Variants in PMM1 observed in about 807,000 individuals in gnomAD.
The protein encoded by PMM1 is phosphomannomutase 1.
A neutral mutation model predicts 34.0 loss-of-function variants in PMM1; 25 were observed. That is an observed-to-expected ratio of 0.73 (90% confidence interval 0.54 to 1.03). PMM1 has a LOEUF of 1.03. PMM1 is among the 50% of genes least tolerant of loss of function. The probability of loss-of-function intolerance (pLI) is 0.00; values close to 1 mark genes in which losing one functional copy is unlikely to be tolerated. For missense variants in PMM1, 321 were observed against 350.1 expected (o/e 0.92, Z 0.66); for synonymous variants, 134 against 143.9 (o/e 0.93, Z 0.49).
At position 41,577,213 on chromosome 22, in the gene PMM1, G is replaced by C. The variant is rs984676765; in HGVS notation, c.*105C>G. 10 of 1,504,668 alleles carry C rather than the reference G, an allele frequency of 6.6e-6. No individual in the cohort carries two copies. Among genetic ancestry groups the C allele is most frequent in the Non-Finnish European group, 9.1e-6 (10 of 1,093,880 alleles). The allele number at this position is 1,504,668 out of a possible 1,614,324, so 93.2% of individuals were successfully genotyped here. ...CCATCTGGGTGGGCTTGCAGCAGGCGTCCTGGGCCAGAGGAGGGGCCCTGG... is the reference window on the plus strand; with the variant it reads ...CCATCTGGGTGGGCTTGCAGCAGGCCTCCTGGGCCAGAGGAGGGGCCCTGG... On this transcript the variant is annotated 3_prime_UTR_variant, in exon 8 of 8. Coordinates refer to ENST00000216259, the MANE Select transcript of PMM1 (RefSeq NM_002676.3).
At chr22:41,581,489 G>A (rs548456402) in intron 5 of PMM1, among the ~76,000 whole-genome samples, 47 of 152,274 alleles carry the variant, frequency 3.1e-4, no homozygotes, top group African/African-American at 1.0e-3. Flanking sequence ...ATGTGACCTC[G>A]GGCAGGGCCC....
chr22:41,584,911 T>C (rs372277821), intron 2 of PMM1: 4 of 320,324 alleles, frequency 1.2e-5, no homozygotes, highest in African/African-American at 4.2e-5. Flanking sequence ...CTGGAAGCCA[T>C]GCAGTACTCT....
intron 5 of PMM1, 55 bp downstream of exon 5, chr22:41,583,904 A>G: frequency 9.4e-7 from 1 of 1,058,408 alleles, no homozygotes; most frequent in East Asian, 2.4e-5. Flanking sequence ...ATAAAGGCTC[A>G]GATAAATTGA....
chr22:41,586,611 C>T lies in PMM1; in HGVS notation c.88-418G>A, dbSNP rs549313811. On this transcript the variant is annotated intron_variant, in intron 1 of 7. Transcript: ENST00000216259. ...GCAACCTCTGCCTCCCGGGTTCAAG[C>T]GATTCTTCTGCCTCAGCCTCCCGAG... Among the ~76,000 whole-genome samples, 6 of 151,966 alleles carry T rather than the reference C, an allele frequency of 3.9e-5. No homozygotes were observed. In the East Asian group the frequency reaches 7.9e-4, roughly 20 times the overall value.
At chr22:41,584,430 C>T in intron 3 of PMM1, 58 bp from the exon 4 acceptor site, 6 of 1,570,886 alleles carry the variant, frequency 3.8e-6, no homozygotes, top group Non-Finnish European at 3.5e-6. Flanking sequence ...CTGAGACAGG[C>T]ACAGTGTCTC....
intron 5 of PMM1, chr22:41,580,000 T>TG (rs1342763616): frequency 6.6e-6 from 1 of 152,282 alleles, no homozygotes; most frequent in East Asian, 1.9e-4. Flanking sequence ...AGCAGGTAGG[T>TG]GGGCCCCAGG....
chr22:41,589,698 TTCCAATCTTCAGGG>T lies in PMM1; in HGVS notation c.87+7_87+20del, dbSNP rs2067357755. On this transcript the variant is annotated splice_region_variant and intron_variant, in intron 1 of 7. Transcript: ENST00000216259. ...TCCGCGTGACACTCCCGGTGGGAGC[TTCCAATCTTCAGGG>T]TCCTACCTGGCGAGCCGGCGTGAGG... 2 of 1,600,372 alleles carry T rather than the reference TTCCAATCTTCAGGG, an allele frequency of 1.2e-6. No individual in the cohort carries two copies. The highest frequency in any genetic ancestry group is 2.2e-5 in the South Asian group (2 of 89,382).
At chr22:41,584,795 T>A (rs2067289326) in intron 2 of PMM1, 192 bp from the exon 3 acceptor site, 2 of 576,418 alleles carry the variant, frequency 3.5e-6, no homozygotes, top group South Asian at 2.2e-5. Context: ...AAGAAGCCAG[T>A]CACACCTGTG....
At chr22:41,579,178 C>G in intron 5 of PMM1, 1 of 384,544 alleles carries the variant, frequency 2.6e-6, no homozygotes, top group East Asian at 5.2e-5. Context: ...GGAGACGGGG[C>G]AATCTGGATC....
In PMM1 at chr22:41,586,061, C is replaced by A. The variant is rs764616768; in HGVS notation, c.205+15G>T. On this transcript the variant is annotated intron_variant, in intron 2 of 7. Transcript: ENST00000216259. ...TCAAACTCCCCACTCCCTCTACCCC[C>A]AGCCTCACTCCTACCTTCATCCCCG... The A allele has an allele frequency of 1.3e-6, 2 of 1,586,300 alleles. No individual in the cohort carries two copies. Among genetic ancestry groups the A allele is most frequent in the Admixed American group, 3.5e-5 (2 of 56,582 alleles).
intron 5 of PMM1, chr22:41,579,875 C>T (rs1436918465): frequency 6.6e-6 from 1 of 152,430 alleles, no homozygotes; most frequent in Non-Finnish European, 1.5e-5. Context: ...CCTCTCTGAG[C>T]CTATTTCCTG....
intron 5 of PMM1, among the ~76,000 whole-genome samples, chr22:41,582,019 C>T (rs2067252311): frequency 6.6e-6 from 1 of 150,870 alleles, no homozygotes; most frequent in Non-Finnish European, 1.5e-5. Context: ...CAGCATGTGC[C>T]TGTAGTCCCA....
chr22:41,581,231 G>A (rs2067244022), intron 5 of PMM1, among the ~76,000 whole-genome samples: 1 of 152,078 alleles, frequency 6.6e-6, no homozygotes, highest in Admixed American at 6.5e-5. Flanking sequence ...GGCTGAGGCA[G>A]GAGAATTGCT....
intron 1 of PMM1, chr22:41,588,965 T>G (rs2067345503): frequency 2.7e-6 from 3 of 1,131,222 alleles, no homozygotes. Context: ...GGGGACTCAC[T>G]CACAATGAGA....
chr22:41,581,183 G>T (rs1049149284), intron 5 of PMM1, among the ~76,000 whole-genome samples: 16 of 151,800 alleles, frequency 1.1e-4, no homozygotes, highest in African/African-American at 3.6e-4. Flanking sequence ...ACTTAGCCAG[G>T]TGTGGTGGCA....
intron 1 of PMM1, chr22:41,588,749 G>A (rs2067343083): frequency 1.0e-6 from 1 of 985,226 alleles, no homozygotes; most frequent in Non-Finnish European, 1.2e-6. Context: ...CACAGAGGAT[G>A]GGGAGGGGCA....
At chr22:41,588,688 G>A (rs1220413134) in intron 1 of PMM1, 6 of 985,324 alleles carry the variant, frequency 6.1e-6, no homozygotes, top group Admixed American at 6.1e-5. Flanking sequence ...TCTTCCTCCC[G>A]GATCCACCCC....
At chr22:41,578,945 C>T in intron 5 of PMM1, 64 bp from the exon 6 acceptor site, 4 of 1,405,694 alleles carry the variant, frequency 2.8e-6, no homozygotes, top group South Asian at 2.3e-5. Flanking sequence ...CCTGGCTGGG[C>T]ACACAGTCCA....
Position 41,577,327 on chromosome 22 carries a change from A to C in PMM1, c.780T>G (p.His260Gln). 1 of 1,613,044 alleles carries C rather than the reference A, an allele frequency of 6.2e-7. No individual in the cohort carries two copies. Among genetic ancestry groups the C allele is most frequent in the Non-Finnish European group, 8.5e-7 (1 of 1,180,026 alleles). The change falls in exon 8 of 8, where the codon CAT becomes CAG. Residue 260 changes from histidine to glutamine, a missense_variant. Physicochemically the swap from His to Gln is conservative, Grantham distance 24. Coordinates refer to ENST00000216259, the MANE Select transcript of PMM1 (RefSeq NM_002676.3). ...CREIFFPETA[H>Q]EA ...CAGATGTGGGCCCCGGTCACGCCTC[A>C]TGAGCTGTCTCTGGGAAGAAAATCT... is the stretch of plus-strand genomic sequence containing the variant.
Sources: gnomAD v4.1 joint callset for allele counts (sites outside exome capture counted in the v4.1 genomes callset) on GRCh38, gnomAD v4.1.1 for gene constraint, MANE v1.5 for transcripts, NCBI Gene and HGNC (gene_info 2026-07-23, HGNC 2026-07-21) for gene names.